The following TGDS variants were observed in gnomAD, a reference collection of about 807,000 sequenced individuals.
TGDS encodes the protein TDP-glucose 4,6-dehydratase, also known as UDP-D-glucose 4,6-dehydratase.
TGDS carries 47 observed loss-of-function variants against 52.3 expected under a neutral mutation model. The ratio of observed to expected loss-of-function variants is 0.90; its 90% CI spans 0.71 to 1.15. The LOEUF is 1.15. TGDS is among the 50% of genes most tolerant of loss of function. The pLI, the probability that TGDS is intolerant of heterozygous loss-of-function variation, is 0.00. For missense variants in TGDS, 375 were observed against 418.4 expected (o/e 0.90, Z 0.90); for synonymous variants, 115 against 136.9 (o/e 0.84, Z 1.12).
intron 8 of TGDS, 57 bp from the exon 9 acceptor site, chr13:94,578,227 G>C: frequency 6.6e-7 from 1 of 1,522,528 alleles, no homozygotes. Flanking sequence ...CTCTCCTAAA[G>C]CATTGACTGG....
In TGDS at chr13:94,576,321, C is replaced by T. The variant is rs756608932; in HGVS notation, c.975G>A (p.Lys325=). ...RPKVPWKEGI[K]KTIEWYRENF... is the part of the protein sequence containing the mutation. ...GATTAATTCAAAACATACTTGTTTT[C>T]TTTATTCCTTCTTTCCAAGGCACTT... The change falls in exon 11 of 12, where the codon AAG becomes AAA. Residue 325 remains lysine, a synonymous_variant. Transcript: ENST00000261296. 5.0e-6 allele frequency: 8 copies of T among 1,591,598 alleles called. No individual in the cohort carries two copies. Among genetic ancestry groups the T allele is most frequent in the Non-Finnish European group, 6.8e-6 (8 of 1,171,042 alleles).
intron 1 of TGDS, among the ~76,000 whole-genome samples, chr13:94,595,081 A>G (rs1889329553): frequency 6.6e-6 from 1 of 152,136 alleles, no homozygotes; most frequent in Non-Finnish European, 1.5e-5. Flanking sequence ...TAGTTGGGAG[A>G]GGGGCTATTT....
chr13:94,594,806 T>C (rs1271510136), intron 1 of TGDS, among the ~76,000 whole-genome samples: 1 of 152,190 alleles, frequency 6.6e-6, no homozygotes, highest in Non-Finnish European at 1.5e-5. Context: ...CAAATGGCCA[T>C]AAACAGGAAT....
At position 94,574,870 on chromosome 13, in the gene TGDS, A is replaced by T; in HGVS notation, c.983-18T>A. ...CCATTCAACTAATAGGAAAAAACAA[A>T]AGACAAAAAAAAAAAAGAAAAGAAA... is the stretch of plus-strand genomic sequence containing the variant. On this transcript the variant is annotated intron_variant, in intron 11 of 11. Transcript: ENST00000261296. 1 of 1,456,748 alleles carries T rather than the reference A, an allele frequency of 6.9e-7. No individual in the cohort carries two copies. The highest frequency in any genetic ancestry group is 9.3e-7 in the Non-Finnish European group (1 of 1,078,712). 90.2% of individuals were successfully genotyped at this position (1,456,748 alleles called of 1,614,324 possible). A position where few individuals can be genotyped will look rare whatever the true frequency, so the allele number is the denominator to read the frequency against.
intron 2 of TGDS, among the ~76,000 whole-genome samples, chr13:94,592,973 G>A (rs1252036202): frequency 7.9e-5 from 12 of 151,974 alleles, no homozygotes; most frequent in Non-Finnish European, 1.6e-4. Context: ...GGCCAACATC[G>A]TGAAACCCCA....
At position 94,582,921 on chromosome 13, in the gene TGDS, T is replaced by C. The variant is rs4773801; in HGVS notation, c.456+173A>G. On this transcript the variant is annotated intron_variant, in intron 5 of 11. Coordinates refer to ENST00000261296, the MANE Select transcript of TGDS (RefSeq NM_014305.4). ...ATCGTGTGAGTTAATACTTAATAAA[T>C]TCCCCTTTATATATCTATTCTATTA... Among the ~76,000 whole-genome samples, 103,367 of 151,986 alleles carry C rather than the reference T, an allele frequency of 0.68. 35,560 individuals carry two copies. The highest frequency in any genetic ancestry group is 0.77 in the African/African-American group (31,789 of 41,456).
At chr13:94,586,753 T>A (rs1007340391) in intron 4 of TGDS, among the ~76,000 whole-genome samples, 1 of 62,158 alleles carries the variant, frequency 1.6e-5, no homozygotes. Flanking sequence ...ATCAAATTAT[T>A]TTTTTTTTTT....
intron 11 of TGDS, among the ~76,000 whole-genome samples, chr13:94,575,209 G>C (rs752267741): frequency 1.3e-5 from 2 of 149,254 alleles, no homozygotes; most frequent in Non-Finnish European, 3.0e-5. Context: ...ATATAAAAAA[G>C]TATAATACAG....
chr13:94,580,273 C>T (rs1888741836), intron 6 of TGDS, among the ~76,000 whole-genome samples: 1 of 152,160 alleles, frequency 6.6e-6, no homozygotes, highest in African/African-American at 2.4e-5. Context: ...TTAAAGACCA[C>T]CTCAAGGACT....
rs748047100 is a variant in TGDS at position 94,574,874 on chromosome 13, C to CAAA, written c.983-25_983-23dup. ...TCAACTAATAGGAAAAAACAAAAGA[C>CAAA]AAAAAAAAAAAAGAAAAGAAAGAAA... On this transcript the variant is annotated intron_variant, in intron 11 of 11. Transcript: ENST00000261296. 3.0e-5 allele frequency: 29 copies of CAAA among 980,504 alleles called. No individual in the cohort carries two copies. The African/African-American group carries it at 3.0e-4, about 10-fold the overall frequency. 60.7% of individuals were successfully genotyped at this position (980,504 alleles called of 1,614,324 possible). A position where few individuals can be genotyped will look rare whatever the true frequency, so the allele number is the denominator to read the frequency against.
Position 94,583,182 on chromosome 13 carries a change from T to C in TGDS, c.368A>G (p.His123Arg), listed in dbSNP as rs1888860817. 6.2e-7 allele frequency: 1 copy of C among 1,614,052 alleles called. No homozygotes were observed. Among genetic ancestry groups the C allele is most frequent in the African/African-American group, 1.3e-5 (1 of 75,044 alleles). Reference sequence around the variant, plus strand: ...TTCATGAGCAGCACTTACCAAAACGTGAGTGCCATAAACATTAACATAGGT... The same window carrying C: ...TTCATGAGCAGCACTTACCAAAACGCGAGTGCCATAAACATTAACATAGGT... ...EFTYVNVYGT[H>R]VLVSAAHEAR... Residue 123 changes from histidine (H) to arginine (R), a missense_variant, in exon 5 of 12, where the codon CAC (histidine) becomes CGC (arginine). Coordinates refer to ENST00000261296, the MANE Select transcript of TGDS (RefSeq NM_014305.4).
upstream of TGDS, chr13:94,596,232 GACACGTTA>G: frequency 7.3e-7 from 1 of 1,368,284 alleles, no homozygotes; most frequent in African/African-American, 1.4e-5. Flanking sequence ...TCGCTCGCGG[GACACGTTA>G]ACAGAGCAGC....
intron 7 of TGDS, chr13:94,579,587 A>C (rs1388728620): frequency 5.3e-6 from 1 of 188,582 alleles, no homozygotes; most frequent in Admixed American, 6.1e-5. Flanking sequence ...GTAGAGGTAG[A>C]AGTATTCTAT....
chr13:94,590,870 G>T lies in TGDS; in HGVS notation c.296C>A (p.Ala99Asp). 1 of 1,567,376 alleles carries T rather than the reference G, an allele frequency of 6.4e-7. No homozygotes were observed. Among genetic ancestry groups the T allele is most frequent in the Non-Finnish European group, 8.6e-7 (1 of 1,165,548 alleles). ...ATGCTTACCTACATGTGTTTGTGCG[G>T]CAAAATGTAGTACTATATCTATTTT... ...TEKIDIVLHF[A>D]AQTHVDLSFV... is the part of the protein sequence containing the mutation. The change falls in exon 4 of 12, where the codon GCC becomes GAC. Residue 99 changes from alanine to aspartate, a missense_variant. Coordinates refer to ENST00000261296, the MANE Select transcript of TGDS (RefSeq NM_014305.4).
chr13:94,588,421 C>CAAAAAAAAAAAAAAAAAAAAAAAAAAA (rs150186125), intron 4 of TGDS, among the ~76,000 whole-genome samples: 2 of 58,490 alleles, frequency 3.4e-5, no homozygotes, highest in African/African-American at 1.4e-4. Context: ...GACTCTGTCT[C>CAAAAAAAAAAAAAAAAAAAAAAAAAAA]AAAAAAAAAA....
chr13:94,575,993 AT>A (rs1888585898), intron 11 of TGDS, among the ~76,000 whole-genome samples: 1 of 152,202 alleles, frequency 6.6e-6, no homozygotes, highest in African/African-American at 2.4e-5. Context: ...TACAATAATA[AT>A]TATAAGACAC....
At chr13:94,590,478 A>C (rs1889157151) in intron 4 of TGDS, among the ~76,000 whole-genome samples, 1 of 152,072 alleles carries the variant, frequency 6.6e-6, no homozygotes, top group Admixed American at 6.6e-5. Flanking sequence ...TTTCATAATA[A>C]AACTGTCAAA....
intron 4 of TGDS, among the ~76,000 whole-genome samples, chr13:94,585,168 G>A (rs1888933515): frequency 6.6e-6 from 1 of 151,742 alleles, no homozygotes; most frequent in Admixed American, 6.6e-5. Flanking sequence ...TTGTGTCTCA[G>A]CCTCCCGAGT....
intron 1 of TGDS, among the ~76,000 whole-genome samples, chr13:94,595,813 G>A (rs1294858017): frequency 6.6e-6 from 1 of 152,092 alleles, no homozygotes; most frequent in Non-Finnish European, 1.5e-5. Flanking sequence ...TCCGGCCACA[G>A]AAGGGCGGAG....
Sources: allele counts gnomAD v4.1 joint callset (sites outside exome capture counted in the v4.1 genomes callset), GRCh38; gene constraint gnomAD v4.1.1; transcripts MANE v1.5; gene names NCBI Gene and HGNC (gene_info 2026-07-23, HGNC 2026-07-21).